MDN1: variants seen among roughly 807,000 people sequenced by gnomAD.
MDN1 encodes the protein midasin.
Under a neutral mutation model 669.2 loss-of-function variants are expected in MDN1, and 266 were observed. The ratio of observed to expected loss-of-function variants is 0.40; its 90% CI spans 0.36 to 0.44. The LOEUF (loss-of-function observed/expected upper bound fraction) is 0.44. Among genes scored for constraint, MDN1 ranks in the 20% least tolerant of loss-of-function variants. The pLI is 1.00. For synonymous variants in MDN1, 2,385 were observed against 2,457.1 expected, an observed-to-expected ratio of 0.97 and a Z score of 0.87; for missense variants, 5,940 against 6,754.0, an observed-to-expected ratio of 0.88 and a Z score of 4.22.
chr6:89,686,010 T>C, intron 69 of MDN1, 37 bp from the exon 70 acceptor site: 1 of 1,598,046 alleles, frequency 6.3e-7, no homozygotes, highest in Non-Finnish European at 8.5e-7. Flanking sequence ...ATATGTTCCT[T>C]CGACCATGAC....
Position 89,789,914 on chromosome 6 carries a change from G to T in MDN1, c.1099-3C>A. The T allele has an allele frequency of 6.2e-7, 1 of 1,607,308 alleles. No homozygotes were observed. The highest frequency in any genetic ancestry group is 8.5e-7 in the Non-Finnish European group (1 of 1,177,896). Reference sequence around the variant, plus strand: ...CAGCGATACATCCCCAAAAGCATCTGCAGAAAGAAGATAAAGTAATTACTG... The same window carrying T: ...CAGCGATACATCCCCAAAAGCATCTTCAGAAAGAAGATAAAGTAATTACTG... On this transcript the variant is annotated splice_polypyrimidine_tract_variant and splice_region_variant and intron_variant, in intron 6 of 101. Coordinates refer to ENST00000369393, the MANE Select transcript of MDN1 (RefSeq NM_014611.3).
At chr6:89,680,798 A>G (rs760138101) in intron 73 of MDN1, 47 bp from the exon 74 acceptor site, 2 of 1,593,252 alleles carry the variant, frequency 1.3e-6, no homozygotes, top group South Asian at 1.1e-5. Context: ...AATGACAGGC[A>G]GTGTCCCTGC....
At chr6:89,809,018 A>G (rs1768194630) in intron 1 of MDN1, among the ~76,000 whole-genome samples, 1 of 151,852 alleles carries the variant, frequency 6.6e-6, no homozygotes, top group Non-Finnish European at 1.5e-5. Flanking sequence ...GGAGTTTGAG[A>G]CCAGCCTGAG....
chr6:89,670,281 TCTC>T (rs566884019), intron 83 of MDN1, among the ~76,000 whole-genome samples: 175 of 147,608 alleles, frequency 1.2e-3, no homozygotes, highest in African/African-American at 4.1e-3. Flanking sequence ...TTCAAACAAT[TCTC>T]CTGTCTCAGC....
chr6:89,803,602 GAC>G (rs1234089994), intron 1 of MDN1, 48 bp from the exon 2 acceptor site: 2 of 1,225,502 alleles, frequency 1.6e-6, no homozygotes, highest in Non-Finnish European at 2.3e-6. Context: ...TTTTTTTTGA[GAC>G]ACAGTCTCGC....
chr6:89,803,704 C>T (rs1584396445), intron 1 of MDN1, 150 bp from the exon 2 acceptor site: 2 of 628,146 alleles, frequency 3.2e-6, no homozygotes, highest in Admixed American at 2.9e-5. Context: ...GCCCGAGCCG[C>T]CCAAGTAGCT....
In MDN1 at chr6:89,676,175, C is replaced by T. The variant is rs780008494; in HGVS notation, c.12572G>A (p.Gly4191Glu). The change falls in exon 77 of 102, where the codon GGA (glycine) becomes GAA (glutamate). Residue 4191 changes from glycine (G) to glutamate (E), a missense_variant. This residue lies in a region of MDN1 where 2,280 missense variants were observed against 2,576.3 expected (regional missense o/e 0.88). Coordinates refer to ENST00000369393, the MANE Select transcript of MDN1 (RefSeq NM_014611.3). ...LLTEISSSWD[G>E]CQKYFYRSLA... ...AGAGCGATAAAAATACTTCTGGCAT[C>T]CATCCCATGAAGACGAGATTTCTGT... 31 of 1,614,080 alleles carry T rather than the reference C, an allele frequency of 1.9e-5. No homozygotes were observed. In the Admixed American group the frequency reaches 5.0e-4, roughly 26 times the overall value.
At position 89,695,888 on chromosome 6, in the gene MDN1, T is replaced by C. The variant is rs1427888409; in HGVS notation, c.9488A>G (p.Glu3163Gly). 6.2e-7 allele frequency: 1 copy of C among 1,613,146 alleles called. No individual in the cohort carries two copies. The highest frequency in any genetic ancestry group is 1.3e-5 in the African/African-American group (1 of 74,918). ...SRRQEYMQNC[E>G]QLLLGSSQAF... The stretch of plus-strand genomic sequence containing the variant: ...CTGGCTGCTCCCAAGCAGCAGCTGC[T>C]CACAGTTCTGCATGTACTCCTGCCG... Residue 3163 changes from glutamate to glycine, a missense_variant, in exon 61 of 102, where the codon GAG (glutamate) becomes GGG (glycine). By Grantham distance (98) the Glu-to-Gly change is moderately conservative. This residue lies in a region of MDN1 where 2,292 missense variants were observed against 2,638.3 expected (regional missense o/e 0.87). Coordinates refer to ENST00000369393, the MANE Select transcript of MDN1 (RefSeq NM_014611.3). This position sits in a 1 kb window ranked among gnomAD's most constrained non-coding sequence, Gnocchi z 4.1.
chr6:89,787,980 C>T, intron 7 of MDN1, 23 bp from the exon 8 acceptor site: 4 of 1,558,452 alleles, frequency 2.6e-6, no homozygotes, highest in Non-Finnish European at 3.5e-6. Flanking sequence ...ACAACAACCG[C>T]ACTGATAAAG....
chr6:89,694,189 GGAAAA>G lies in MDN1; in HGVS notation c.9772-11_9772-7del. 1 of 1,610,200 alleles carries G rather than the reference GGAAAA, an allele frequency of 6.2e-7. No individual in the cohort carries two copies. The stretch of plus-strand genomic sequence containing the variant: ...TCACACTGCAGTTGGTGTAACTAAT[GGAAAA>G]GAGAGAAGTTAGTCCACTGTGTCCC... On this transcript the variant is annotated splice_polypyrimidine_tract_variant and splice_region_variant and intron_variant, in intron 61 of 101. Transcript: ENST00000369393.
intron 78 of MDN1, 47 bp from the exon 79 acceptor site, chr6:89,674,636 A>C: frequency 6.7e-7 from 1 of 1,493,616 alleles, no homozygotes; most frequent in Non-Finnish European, 8.9e-7. Flanking sequence ...GGCACCTTAA[A>C]CCACTTTACC....
At chr6:89,670,166 ATATATTTTTTT>A (rs1810613894) in intron 83 of MDN1, among the ~76,000 whole-genome samples, 2 of 17,718 alleles carry the variant, frequency 1.1e-4, no homozygotes, top group South Asian at 2.8e-3. Context: ...ATATATATAT[ATATATTTTTTT>A]TTTTTTTTTT....
At chr6:89,786,601 G>A (rs985602634) in intron 8 of MDN1, among the ~76,000 whole-genome samples, 2 of 151,418 alleles carry the variant, frequency 1.3e-5, no homozygotes, top group African/African-American at 2.4e-5. Flanking sequence ...GCAAAACACT[G>A]TCTCTAAAAA....
intron 80 of MDN1, 125 bp from the exon 81 acceptor site, chr6:89,672,827 T>C: frequency 9.4e-7 from 1 of 1,069,298 alleles, no homozygotes; most frequent in Non-Finnish European, 1.3e-6. Context: ...CTGTGCCAGA[T>C]ACAAAGAAGA....
Position 89,718,793 on chromosome 6 carries a change from T to C in MDN1, c.6295A>G (p.Thr2099Ala), listed in dbSNP as rs777296916. ...TGCTCAAATCCACCCAGCAGCTCAGTAGTATCCATTGCACTGTTCATAGCC... is the reference window on the plus strand; with the variant it reads ...TGCTCAAATCCACCCAGCAGCTCAGCAGTATCCATTGCACTGTTCATAGCC... ...IMAMNSAMDT[T>A]ELLGGFEQVD... Residue 2099 changes from threonine to alanine, a missense_variant, in exon 42 of 102, where the codon ACT (threonine) becomes GCT (alanine). Physicochemically the swap from Thr to Ala is moderately conservative, Grantham distance 58 (BLOSUM62 0). Transcript: ENST00000369393. 17 of 1,614,196 alleles carry C rather than the reference T, an allele frequency of 1.1e-5. 1 individual carries two copies. Among genetic ancestry groups the C allele is most frequent in the South Asian group, 9.9e-5 (9 of 91,084 alleles).
rs775774522 is a variant in MDN1 at position 89,753,596 on chromosome 6, C to T, written c.2991G>A (p.Gln997=). ...YEGFCLGFLT[Q]LDRASHPIVQ... is the part of the protein sequence containing the mutation. ...CTATTGGGTGTGATGCCCTGTCAAG[C>T]TGTGTTAAGAAACCCAAACAAAAAC... Residue 997 remains glutamine, a synonymous_variant, in exon 22 of 102, where the codon CAG becomes CAA. Transcript: ENST00000369393. 2 of 1,613,740 alleles carry T rather than the reference C, an allele frequency of 1.2e-6. No homozygotes were observed. Among genetic ancestry groups the T allele is most frequent in the Non-Finnish European group, 1.7e-6 (2 of 1,179,676 alleles).
rs1234050500 is a variant in MDN1, at chr6:89,668,089, A to G, written c.14019T>C (p.His4673=). 3 of 1,613,954 alleles carry G rather than the reference A, an allele frequency of 1.9e-6. No individual in the cohort carries two copies. Among genetic ancestry groups the G allele is most frequent in the African/African-American group, 2.7e-5 (2 of 74,904 alleles). Residue 4673 remains histidine (H), a synonymous_variant, in exon 84 of 102, where the codon CAT becomes CAC. Transcript: ENST00000369393. ...CTCCAATTCCACCTCCCTCATAGTCATGGAACTCAGTTGCTCCCTCTCCAG... is the reference window on the plus strand; with the variant it reads ...CTCCAATTCCACCTCCCTCATAGTCGTGGAACTCAGTTGCTCCCTCTCCAG... ...DSAGEGATEF[H]DYEGGGIGEG...
rs201185469 is a variant in MDN1 at position 89,670,960 on chromosome 6, G to A, written c.13915C>T (p.Leu4639Phe). 1 of 1,614,220 alleles carries A rather than the reference G, an allele frequency of 6.2e-7. No homozygotes were observed. The highest frequency in any genetic ancestry group is 1.1e-5 in the South Asian group (1 of 91,088). The stretch of plus-strand genomic sequence containing the variant: ...GTAAAGACCTGGGCAAGCACAGAGA[G>A]CAGCTTTGCAGTACTACGGTGAGTT... ...LATHRSTAKL[L>F]SVLAQVFTEL... Residue 4639 changes from leucine to phenylalanine, a missense_variant, in exon 83 of 102, where the codon CTC (leucine) becomes TTC (phenylalanine). By Grantham distance (22) the Leu-to-Phe change is conservative. This residue lies in a region of MDN1 where 2,280 missense variants were observed against 2,576.3 expected (regional missense o/e 0.88). Coordinates refer to ENST00000369393, the MANE Select transcript of MDN1 (RefSeq NM_014611.3).
intron 73 of MDN1, 85 bp downstream of exon 73, chr6:89,683,047 A>G (rs1811752129): frequency 1.5e-6 from 2 of 1,334,996 alleles, no homozygotes; most frequent in Non-Finnish European, 2.1e-6. Flanking sequence ...TTTCTTGTCT[A>G]GTACTGAGGC....
Sources: gnomAD v4.1 joint callset for allele counts (sites outside exome capture counted in the v4.1 genomes callset) on GRCh38, gnomAD v4.1.1 for gene constraint, gnomAD v4.1.1 regional missense constraint, Gnocchi (gnomAD v3.1) non-coding constraint, MANE v1.5 for transcripts, NCBI Gene and HGNC (gene_info 2026-07-23, HGNC 2026-07-21) for gene names.